The following SPSB1 variants were observed in gnomAD, a reference collection of about 807,000 sequenced individuals.
SPSB1 encodes SPRY domain-containing SOCS box protein 1.
In SPSB1, 8 loss-of-function variants were observed where a neutral mutation model predicts 21.2. The ratio of observed to expected loss-of-function variants is 0.38; its 90% CI spans 0.22 to 0.68. SPSB1 has a LOEUF of 0.68. SPSB1 is among the 30% of genes least tolerant of loss of function. SPSB1 has a pLI of 0.53. For synonymous variants in SPSB1, 169 were observed against 161.7 expected (o/e 1.05, Z -0.34); for missense variants, 242 against 377.8 (o/e 0.64, Z 2.98).
intron 1 of SPSB1, among the ~76,000 whole-genome samples, chr1:9,314,770 G>A (rs374705322): frequency 1.3e-5 from 2 of 152,194 alleles, no homozygotes; most frequent in African/African-American, 2.4e-5. Context: ...AGTGGCTGAG[G>A]TTGTACCCCT....
At position 9,366,297 on chromosome 1, in the gene SPSB1, C is replaced by T. The variant is rs186948912; in HGVS notation, c.695-1151C>T. Among the ~76,000 whole-genome samples the T allele has an allele frequency of 1.7e-3, 256 of 152,340 alleles. 2 individuals carry two copies. Among genetic ancestry groups the T allele is most frequent in the African/African-American group, 5.5e-3 (230 of 41,578 alleles). On this transcript the variant is annotated intron_variant, in intron 2 of 2. Coordinates refer to ENST00000328089, the MANE Select transcript of SPSB1 (RefSeq NM_025106.4). The stretch of plus-strand genomic sequence containing the variant: ...AAACTGGGCTGGCATTTCCAGTTTC[C>T]TGGGGCCTGAGCTTGGCCTGGGCCC...
intron 1 of SPSB1, among the ~76,000 whole-genome samples, chr1:9,301,313 A>C (rs543385990): frequency 1.3e-5 from 2 of 152,066 alleles, no homozygotes; most frequent in Non-Finnish European, 2.9e-5. Context: ...CAACATAGTG[A>C]GACTCCCCGC....
At position 9,305,887 on chromosome 1, in the gene SPSB1, C is replaced by T. The variant is rs970652652; in HGVS notation, c.-150+12816C>T. Among the ~76,000 whole-genome samples, 4 of 152,084 alleles carry T rather than the reference C, an allele frequency of 2.6e-5. No individual in the cohort carries two copies. The highest frequency in any genetic ancestry group is 5.9e-5 in the Non-Finnish European group (4 of 68,012). On this transcript the variant is annotated intron_variant, in intron 1 of 2. Transcript: ENST00000328089. This position sits in a 1 kb window ranked among gnomAD's most constrained non-coding sequence, Gnocchi z 4.8. ...TCAGGGTATCAGAGGACACTGGTGG[C>T]AGGGGTGGCCAGGTTGGAAAGGCGG...
intron 2 of SPSB1, among the ~76,000 whole-genome samples, chr1:9,358,478 G>A (rs1640413366): frequency 6.6e-6 from 1 of 152,214 alleles, no homozygotes; most frequent in Non-Finnish European, 1.5e-5. Flanking sequence ...CTAGGTGTCA[G>A]AAATGAGTGG....
intron 1 of SPSB1, among the ~76,000 whole-genome samples, chr1:9,337,836 G>T (rs1486766026): frequency 1.3e-5 from 2 of 152,206 alleles, no homozygotes; most frequent in Non-Finnish European, 2.9e-5. Context: ...TGAAGCCAGG[G>T]CAGCTGCTCT....
At chr1:9,361,151 A>ATTTTTT (rs1640466435) in intron 2 of SPSB1, among the ~76,000 whole-genome samples, 4 of 66,156 alleles carry the variant, frequency 6.0e-5, no homozygotes, top group African/African-American at 3.0e-4. Context: ...TGGATCTGTC[A>ATTTTTT]TTTTCTTTTT....
chr1:9,359,310 G>A (rs559929951), intron 2 of SPSB1, among the ~76,000 whole-genome samples: 16 of 152,320 alleles, frequency 1.1e-4, no homozygotes, highest in African/African-American at 3.4e-4. Context: ...CCGCTGCAGC[G>A]TGGTGATAGG....
intron 1 of SPSB1, among the ~76,000 whole-genome samples, chr1:9,350,481 G>A (rs927392382): frequency 7.2e-5 from 11 of 152,244 alleles, no homozygotes; most frequent in Middle Eastern, 3.2e-3. Flanking sequence ...AGGCGCCGCC[G>A]GCCAGGGCAC....
At chr1:9,308,190 G>C (rs1639453113) in intron 1 of SPSB1, among the ~76,000 whole-genome samples, 1 of 152,358 alleles carries the variant, frequency 6.6e-6, no homozygotes. Context: ...ATTTGACAGA[G>C]AGGATGACAG....
intron 1 of SPSB1, among the ~76,000 whole-genome samples, chr1:9,294,980 C>T (rs1020855561): frequency 1.3e-5 from 2 of 152,186 alleles, no homozygotes; most frequent in African/African-American, 4.8e-5. Flanking sequence ...GGGCGGTTCA[C>T]TTACCCAGAC....
At chr1:9,303,192 G>C (rs1570170614) in intron 1 of SPSB1, among the ~76,000 whole-genome samples, 1 of 152,290 alleles carries the variant, frequency 6.6e-6, no homozygotes, top group East Asian at 1.9e-4. Context: ...ATACTCCTTA[G>C]GGCATCTGTT....
At chr1:9,329,024 T>C (rs563480436) in intron 1 of SPSB1, among the ~76,000 whole-genome samples, 1 of 152,328 alleles carries the variant, frequency 6.6e-6, no homozygotes, top group Non-Finnish European at 1.5e-5. Flanking sequence ...GGGCGGGCCC[T>C]GCATTTGCTG....
chr1:9,298,480 A>T (rs1639264560), intron 1 of SPSB1, among the ~76,000 whole-genome samples: 1 of 152,200 alleles, frequency 6.6e-6, no homozygotes, highest in Non-Finnish European at 1.5e-5. Context: ...ATGAATTGGA[A>T]GCTGGATCCC....
At chr1:9,312,069 A>G (rs538757578) in intron 1 of SPSB1, among the ~76,000 whole-genome samples, 5 of 152,112 alleles carry the variant, frequency 3.3e-5, no homozygotes, top group African/African-American at 7.2e-5. Context: ...CTGCACCTCA[A>G]ACTCCTCAAG....
chr1:9,364,531 C>A (rs1482362363), intron 2 of SPSB1, among the ~76,000 whole-genome samples: 2 of 152,150 alleles, frequency 1.3e-5, no homozygotes, highest in Non-Finnish European at 2.9e-5. Flanking sequence ...GAAACCCAAC[C>A]CTGTGAGGAG....
intron 1 of SPSB1, among the ~76,000 whole-genome samples, chr1:9,309,876 G>A (rs193205928): frequency 6.6e-6 from 1 of 152,256 alleles, no homozygotes; most frequent in Admixed American, 6.5e-5. Context: ...GAATAAAATA[G>A]TGGTAACTGG....
chr1:9,359,862 C>T (rs373336392), intron 2 of SPSB1, among the ~76,000 whole-genome samples: 3 of 16,406 alleles, frequency 1.8e-4, no homozygotes, highest in South Asian at 4.1e-3. Context: ...GGGTGGGTGG[C>T]GGGGGCGGCC....
intron 1 of SPSB1, among the ~76,000 whole-genome samples, chr1:9,333,983 T>C (rs1428762946): frequency 6.6e-6 from 1 of 152,244 alleles, no homozygotes; most frequent in Non-Finnish European, 1.5e-5. Flanking sequence ...ACAGACGGAC[T>C]CCATTCATCA....
At chr1:9,306,968 T>C (rs1285747411) in intron 1 of SPSB1, among the ~76,000 whole-genome samples, 1 of 150,940 alleles carries the variant, frequency 6.6e-6, no homozygotes, top group Non-Finnish European at 1.5e-5. Flanking sequence ...CGCTCTGTCA[T>C]TCAGGCTAGG....
Sources: allele counts gnomAD v4.1 joint callset (sites outside exome capture counted in the v4.1 genomes callset), GRCh38; gene constraint gnomAD v4.1.1; non-coding constraint Gnocchi (gnomAD v3.1); transcripts MANE v1.5; gene names NCBI Gene and HGNC (gene_info 2026-07-23, HGNC 2026-07-21).